Variants in PBRM1 observed in about 807,000 individuals in gnomAD.
PBRM1 encodes protein polybromo-1.
PBRM1 carries 27 observed loss-of-function variants against 194.5 expected under a neutral mutation model. That is an observed-to-expected ratio of 0.14 (90% CI 0.10 to 0.19). The LOEUF (loss-of-function observed/expected upper bound fraction) is 0.19, where lower values mean the gene tolerates loss of function less well. Ranked by LOEUF, PBRM1 falls within the 10% of genes least tolerant of loss-of-function variation. PBRM1 has a pLI of 1.00. For synonymous variants in PBRM1, 655 were observed against 693.2 expected (o/e 0.94, Z 0.87); for missense variants, 1,466 against 2,077.2 (o/e 0.71, Z 5.72).
intron 28 of PBRM1, 24 bp from the exon 31 acceptor site, chr3:52,550,661 G>A (rs925041145): frequency 1.3e-6 from 2 of 1,562,482 alleles, no homozygotes; most frequent in South Asian, 1.2e-5. Context: ...GGACCACATG[G>A]TGAGGCAAAA....
chr3:52,566,105 G>C (rs2153549273), intron 22 of PBRM1, among the ~76,000 whole-genome samples: 1 of 152,018 alleles, frequency 6.6e-6, no homozygotes, highest in Non-Finnish European at 1.5e-5. Context: ...TTCATCATCA[G>C]GAAAATCAAA....
At position 52,550,190 on chromosome 3, in the gene PBRM1, C is replaced by T. The variant is rs1485436699; in HGVS notation, c.4897+231G>A. ...CCAAGATCGCGCCACTGCACTCCAG[C>T]CTAGGCAACAGAGTGAGACCCTGTC... On this transcript the variant is annotated intron_variant, in intron 29 of 29. Coordinates refer to ENST00000296302, the Ensembl canonical transcript of PBRM1. 5.3e-5 allele frequency among the ~76,000 whole-genome samples: 8 copies of T among 152,224 alleles called. No individual in the cohort carries two copies. In the East Asian group the frequency reaches 1.5e-3, roughly 29 times the overall value.
chr3:52,571,217 G>C (rs1396087975), intron 22 of PBRM1, among the ~76,000 whole-genome samples: 1 of 151,940 alleles, frequency 6.6e-6, no homozygotes, highest in Non-Finnish European at 1.5e-5. Flanking sequence ...CAGCTGCTCG[G>C]GAGGCTGAGG....
chr3:52,664,017 G>A (rs375226484), intron 3 of PBRM1, among the ~76,000 whole-genome samples: 3 of 149,212 alleles, frequency 2.0e-5, no homozygotes, highest in Admixed American at 6.7e-5. Flanking sequence ...CCGAGATAGC[G>A]CCACTGAACT....
intron 20 of PBRM1, among the ~76,000 whole-genome samples, chr3:52,582,742 C>CT (rs2091559684): frequency 6.6e-6 from 1 of 152,044 alleles, no homozygotes. Context: ...TACGTAGAAT[C>CT]TTTCGGAGCA....
chr3:52,617,161 T>C, intron 14 of PBRM1, 101 bp downstream of exon 16: 1 of 862,694 alleles, frequency 1.2e-6, no homozygotes. Flanking sequence ...AAAAGAATAA[T>C]CTAAGTTAAG....
chr3:52,668,786 A>T, intron 2 of PBRM1, 141 bp from the exon 4 acceptor site: 1 of 393,188 alleles, frequency 2.5e-6, no homozygotes, highest in Non-Finnish European at 4.4e-6. Context: ...GCTTACTTAA[A>T]AAAAAAAAAA....
exon 11 of PBRM1, chr3:52,634,654 A>T (rs779570305): frequency 6.2e-7 from 1 of 1,613,580 alleles, no homozygotes; most frequent in East Asian, 2.2e-5. Flanking sequence ...TAATCAGGGT[A>T]TTTTTTCTTT....
intron 17 of PBRM1, among the ~76,000 whole-genome samples, chr3:52,601,502 T>C (rs1364304523): frequency 6.6e-6 from 1 of 151,836 alleles, no homozygotes; most frequent in Non-Finnish European, 1.5e-5. Context: ...CCACCACTGA[T>C]CTAACAGGAA....
At chr3:52,684,131 G>A (rs888722091), upstream of PBRM1, among the ~76,000 whole-genome samples, 1 of 117,144 alleles carries the variant, frequency 8.5e-6, no homozygotes, top group Non-Finnish European at 1.6e-5. Flanking sequence ...TCACTTTACT[G>A]AACTCCAGCC....
chr3:52,640,472 T>C (rs1482759833), intron 10 of PBRM1, among the ~76,000 whole-genome samples: 1 of 152,082 alleles, frequency 6.6e-6, no homozygotes. Flanking sequence ...CGTTTTGCCA[T>C]GTTGCCCAGG....
chr3:52,546,663 T>A (rs544207420), downstream of PBRM1: 1 of 232,256 alleles, frequency 4.3e-6, no homozygotes, highest in Non-Finnish European at 8.5e-6. Flanking sequence ...ATCACCCAGT[T>A]ACTATAAAGC....
rs553905866 is a variant in PBRM1, at chr3:52,656,752, C to T, written c.645+1447G>A. On this transcript the variant is annotated intron_variant, in intron 5 of 29. Transcript: ENST00000296302. ...CCAATCTTGGAAACAACCCAATGTC[C>T]ATTGACAGATGAATGAGTAAACAAA... Among the ~76,000 whole-genome samples the T allele has an allele frequency of 4.6e-5, 7 of 151,862 alleles. No homozygotes were observed. In the South Asian group the frequency reaches 6.3e-4, roughly 14 times the overall value.
At chr3:52,623,910 C>A (rs2095360539) in intron 13 of PBRM1, among the ~76,000 whole-genome samples, 1 of 152,100 alleles carries the variant, frequency 6.6e-6, no homozygotes, top group Non-Finnish European at 1.5e-5. Flanking sequence ...TGAAAGAATA[C>A]AATCCATGGT....
intron 5 of PBRM1, among the ~76,000 whole-genome samples, chr3:52,653,538 G>A (rs1213318160): frequency 6.7e-6 from 1 of 149,992 alleles, no homozygotes; most frequent in Non-Finnish European, 1.5e-5. Context: ...GCAGTGAGCT[G>A]AGATTGCTCC....
intron 20 of PBRM1, among the ~76,000 whole-genome samples, chr3:52,581,404 G>A (rs2091140033): frequency 6.6e-6 from 1 of 151,844 alleles, no homozygotes; most frequent in African/African-American, 2.4e-5. Context: ...CAGGAACTTG[G>A]GAAACTGAGA....
In PBRM1 at chr3:52,664,329, C is replaced by T. The variant is rs1190948693; in HGVS notation, c.385-2053G>A. 2.8e-4 allele frequency among the ~76,000 whole-genome samples: 40 copies of T among 145,266 alleles called. No individual in the cohort carries two copies. In the Admixed American group the frequency reaches 2.9e-3, roughly 11 times the overall value. On this transcript the variant is annotated intron_variant, in intron 3 of 29. Transcript: ENST00000296302. ...CAGACTCTAAAAAAGACGCTACTTC[C>T]TATATGTAGAAAAATTAAAATGCAA... is the stretch of plus-strand genomic sequence containing the variant.
intron 23 of PBRM1, among the ~76,000 whole-genome samples, 197 bp downstream of exon 25, chr3:52,563,853 G>T (rs866512105): frequency 6.6e-6 from 1 of 151,526 alleles, no homozygotes; most frequent in African/African-American, 2.4e-5. Flanking sequence ...CTACGCCAAG[G>T]GCACTATTAG....
chr3:52,610,469 T>A (rs2094550701), intron 15 of PBRM1, among the ~76,000 whole-genome samples: 1 of 152,164 alleles, frequency 6.6e-6, no homozygotes, highest in Non-Finnish European at 1.5e-5. Flanking sequence ...TAGCCCACAT[T>A]AGAGTTTTAA....
Sources: gnomAD v4.1 joint callset for allele counts (sites outside exome capture counted in the v4.1 genomes callset) on GRCh38, gnomAD v4.1.1 for gene constraint, MANE v1.5 for transcripts, NCBI Gene and HGNC (gene_info 2026-07-23, HGNC 2026-07-21) for gene names.